The following AIDA variants were observed in gnomAD, a reference collection of about 807,000 sequenced individuals.
The protein encoded by AIDA is axin interactor, dorsalization associated.
AIDA carries 18 observed loss-of-function variants against 42.7 expected under a neutral mutation model. That is an observed-to-expected ratio of 0.42 (90% CI 0.29 to 0.63). AIDA has a LOEUF of 0.63. Among genes scored for constraint, AIDA ranks in the 20% least tolerant of loss-of-function variants. The pLI is 0.19. For synonymous variants in AIDA, 104 were observed against 122.9 expected (o/e 0.85, Z 1.02); for missense variants, 250 against 354.1 (o/e 0.71, Z 2.36).
chr1:222,677,689 C>T (rs1316999241), intron 6 of AIDA, among the ~76,000 whole-genome samples: 1 of 151,998 alleles, frequency 6.6e-6, no homozygotes, highest in East Asian at 1.9e-4. Flanking sequence ...TCTCCTTAAT[C>T]TGCTAATGTG....
intron 4 of AIDA, among the ~76,000 whole-genome samples, chr1:222,693,463 A>T (rs1264940198): frequency 1.3e-5 from 2 of 152,206 alleles, no homozygotes; most frequent in African/African-American, 4.8e-5. Flanking sequence ...GTAAATGGGA[A>T]TCAATGACTA....
rs1664421197 is a variant in AIDA at position 222,670,212 on chromosome 1, T to G, written c.745A>C (p.Lys249Gln). ...IFFEFKHYKP[K>Q]KRFTSTKCFA... ...CACTTGGTGCTGGTAAACCTTTTTT[T>G]AGGCTTGTAGTGTTTGAATTCAAAG... The change falls in exon 9 of 10, where the codon AAA becomes CAA. Residue 249 changes from lysine (K) to glutamine (Q), a missense_variant. Coordinates refer to ENST00000340020, the MANE Select transcript of AIDA (RefSeq NM_022831.4). 3 of 1,614,014 alleles carry G rather than the reference T, an allele frequency of 1.9e-6. No individual in the cohort carries two copies. In the South Asian group the frequency reaches 3.3e-5, roughly 18 times the overall value.
chr1:222,689,479 GTGTATATATATA>G (rs1455945576), intron 4 of AIDA, among the ~76,000 whole-genome samples: 3,776 of 45,220 alleles, frequency 0.084, 317 homozygotes, highest in Admixed American at 0.29. Context: ...ATGTGTGTGT[GTGTATATATATA>G]TATATATATA....
intron 2 of AIDA, among the ~76,000 whole-genome samples, chr1:222,697,090 C>T (rs1424858185): frequency 6.6e-6 from 1 of 151,850 alleles, no homozygotes; most frequent in Non-Finnish European, 1.5e-5. Context: ...TTACAGGCAT[C>T]CACCACCGCG....
chr1:222,699,515 C>T (rs1392762806), intron 2 of AIDA, among the ~76,000 whole-genome samples: 34 of 152,210 alleles, frequency 2.2e-4, no homozygotes, highest in Admixed American at 2.2e-3. Flanking sequence ...TGCCCAAACT[C>T]TTTAAAATAT....
chr1:222,687,724 T>C, intron 4 of AIDA, 66 bp from the exon 5 acceptor site: 2 of 1,184,840 alleles, frequency 1.7e-6, no homozygotes, highest in Non-Finnish European at 2.3e-6. Flanking sequence ...ATATCTTAAA[T>C]GATTAATTTT....
chr1:222,693,063 G>C (rs892037656), intron 4 of AIDA, among the ~76,000 whole-genome samples: 1 of 152,082 alleles, frequency 6.6e-6, no homozygotes, highest in Non-Finnish European at 1.5e-5. Context: ...TAAAGTGAGA[G>C]AACTCAACTA....
Position 222,669,576 on chromosome 1 carries a change from CACA to C in AIDA, c.*314_*316del, listed in dbSNP as rs199589155. 714 of 251,600 alleles carry C rather than the reference CACA, an allele frequency of 2.8e-3. 5 individuals are homozygous for C. The highest frequency in any genetic ancestry group is 0.015 in the African/African-American group (674 of 44,096). 15.6% of individuals were successfully genotyped at this position (251,600 alleles called of 1,614,324 possible). A position where few individuals can be genotyped will look rare whatever the true frequency, so the allele number is the denominator to read the frequency against. Reference sequence around the variant, plus strand: ...AGTCTGAAGATGAGCACATCCTACCCACAACAGTATTGTTCCAGGAAGCAGGGT... The same window carrying C: ...AGTCTGAAGATGAGCACATCCTACCCACAGTATTGTTCCAGGAAGCAGGGT... On this transcript the variant is annotated 3_prime_UTR_variant, in exon 10 of 10. Transcript: ENST00000340020.
chr1:222,673,784 A>G (rs1055539268), intron 7 of AIDA, among the ~76,000 whole-genome samples: 2 of 150,816 alleles, frequency 1.3e-5, no homozygotes, highest in Non-Finnish European at 3.0e-5. Flanking sequence ...TCTCAAAAAA[A>G]CAAAAACCTG....
chr1:222,704,823 A>T (rs1385189899), intron 1 of AIDA, among the ~76,000 whole-genome samples: 2 of 151,604 alleles, frequency 1.3e-5, no homozygotes, highest in Non-Finnish European at 2.9e-5. Flanking sequence ...CTCAATTTTA[A>T]AAAAATATAT....
intron 2 of AIDA, among the ~76,000 whole-genome samples, chr1:222,699,569 ACT>A (rs1170255461): frequency 6.6e-6 from 1 of 152,100 alleles, no homozygotes; most frequent in Non-Finnish European, 1.5e-5. Context: ...GAAGTCACAA[ACT>A]CTATCTGTTC....
At position 222,676,127 on chromosome 1, in the gene AIDA, G is replaced by C; in HGVS notation, c.552C>G (p.Cys184Trp). Residue 184 changes from cysteine to tryptophan, a missense_variant, in exon 7 of 10, where the codon TGC becomes TGG. Transcript: ENST00000340020. ...CACTAACTGTAATATAGGGATCGAT[G>C]CACTGCCCAGCATCTTTCAAACCAA... ...EKIGLKDAGQCIDPYITVSVK... is the reference protein window; with the variant it reads ...EKIGLKDAGQWIDPYITVSVK... 6.2e-7 allele frequency: 1 copy of C among 1,611,540 alleles called. No homozygotes were observed.
chr1:222,708,386 T>A (rs1327912101), intron 1 of AIDA, among the ~76,000 whole-genome samples: 2 of 150,600 alleles, frequency 1.3e-5, no homozygotes, highest in East Asian at 3.9e-4. Context: ...TTGGTTTTTT[T>A]AAGACGAGTC....
At chr1:222,687,529 A>G in intron 5 of AIDA, 66 bp downstream of exon 5, 1 of 1,350,650 alleles carries the variant, frequency 7.4e-7, no homozygotes, top group South Asian at 1.3e-5. Flanking sequence ...ATTTAAGAAA[A>G]CCCAGAACTA....
At chr1:222,677,869 T>A (rs1664579628) in intron 6 of AIDA, among the ~76,000 whole-genome samples, 1 of 152,170 alleles carries the variant, frequency 6.6e-6, no homozygotes, top group South Asian at 2.1e-4. Flanking sequence ...ATATTACTAT[T>A]ACCAAAAACA....
At chr1:222,701,765 G>C (rs567289572) in intron 2 of AIDA, among the ~76,000 whole-genome samples, 1 of 151,878 alleles carries the variant, frequency 6.6e-6, no homozygotes, top group Non-Finnish European at 1.5e-5. Context: ...TGGCTGTCGC[G>C]CAGGCTGGAG....
intron 2 of AIDA, among the ~76,000 whole-genome samples, chr1:222,700,455 G>T (rs1172389192): frequency 6.6e-6 from 1 of 152,068 alleles, no homozygotes; most frequent in African/African-American, 2.4e-5. Context: ...GGTCCTTTTG[G>T]GGTACAAGAT....
At chr1:222,694,884 T>A (rs1434172004) in intron 2 of AIDA, among the ~76,000 whole-genome samples, 1 of 152,132 alleles carries the variant, frequency 6.6e-6, no homozygotes, top group Non-Finnish European at 1.5e-5. Flanking sequence ...AAGCAGACAT[T>A]TGATTGTATG....
At chr1:222,681,552 A>C (rs1664652730) in intron 6 of AIDA, among the ~76,000 whole-genome samples, 1 of 152,212 alleles carries the variant, frequency 6.6e-6, no homozygotes, top group Non-Finnish European at 1.5e-5. Context: ...AATCGAAGCT[A>C]CTTGGGAGGC....
Sources: allele counts gnomAD v4.1 joint callset (sites outside exome capture counted in the v4.1 genomes callset), GRCh38; gene constraint gnomAD v4.1.1; transcripts MANE v1.5; gene names NCBI Gene and HGNC (gene_info 2026-07-23, HGNC 2026-07-21).